The following RGS3 variants were observed in gnomAD, a reference collection of about 807,000 sequenced individuals.
RGS3 encodes the protein regulator of G protein signaling 3.
A neutral mutation model predicts 132.6 loss-of-function variants in RGS3; 80 were observed. The ratio of observed to expected loss-of-function variants is 0.60; its 90% confidence interval spans 0.50 to 0.73. The LOEUF (loss-of-function observed/expected upper bound fraction) is 0.73. Among genes scored for constraint, RGS3 ranks in the 30% least tolerant of loss-of-function variants. RGS3 has a pLI of 0.00. For missense variants in RGS3, 1,382 were observed against 1,530.8 expected (o/e 0.90, Z 1.62); for synonymous variants, 598 against 620.6 (o/e 0.96, Z 0.54).
chr9:113,584,184 G>A lies in RGS3; in HGVS notation c.2772G>A (p.Gly924=), dbSNP rs754493984. 5 of 1,614,108 alleles carry A rather than the reference G, an allele frequency of 3.1e-6. No homozygotes were observed. The African/African-American group carries it at 6.7e-5, about 22-fold the overall frequency. ...GCAGCATGATCGAGACGGGCCAGGG[G>A]GCTGAGGGTGGCCTCTCACTGCGTG... Residue 924 remains glycine (G), a synonymous_variant, in exon 20 of 25, where the codon GGG becomes GGA. Transcript: ENST00000350696.
intron 18 of RGS3, 63 bp from the exon 17 acceptor site, chr9:113,536,733 T>C: frequency 6.3e-7 from 1 of 1,583,306 alleles, no homozygotes; most frequent in South Asian, 1.1e-5. Flanking sequence ...GGCTTGGGCC[T>C]GGGAGCCCCC....
chr9:113,458,241 A>G (rs1163866663), upstream of RGS3, among the ~76,000 whole-genome samples: 1 of 150,858 alleles, frequency 6.6e-6, no homozygotes, highest in African/African-American at 2.4e-5. Flanking sequence ...AGTTAAAAAC[A>G]TTTTACATTT....
intron 7 of RGS3, among the ~76,000 whole-genome samples, chr9:113,493,911 C>G (rs1310437198): frequency 6.6e-6 from 1 of 152,142 alleles, no homozygotes. Flanking sequence ...AGGGAGTTTA[C>G]TACCTATCCA....
chr9:113,574,101 A>T (rs1192322667), intron 19 of RGS3, among the ~76,000 whole-genome samples: 2 of 152,278 alleles, frequency 1.3e-5, no homozygotes, highest in African/African-American at 4.8e-5. Context: ...AGTGTGTGGC[A>T]TGCAGTAGAT....
exon 23 of RGS3, chr9:113,594,942 A>C: frequency 6.2e-7 from 1 of 1,614,082 alleles, no homozygotes; most frequent in East Asian, 2.2e-5. Flanking sequence ...GAAGCCCTCA[A>C]GTGGGGCGAG....
chr9:113,544,028 C>T (rs1833005781), intron 19 of RGS3, among the ~76,000 whole-genome samples: 1 of 152,174 alleles, frequency 6.6e-6, no homozygotes, highest in Non-Finnish European at 1.5e-5. Flanking sequence ...CCTAGCTGTC[C>T]AGGATGATGA....
chr9:113,454,735 G>T (rs1326781343), intron 1 of RGS3, among the ~76,000 whole-genome samples: 1 of 144,102 alleles, frequency 6.9e-6, no homozygotes, highest in African/African-American at 2.6e-5. Flanking sequence ...TTAATCTAGG[G>T]TTGATTATTC....
At chr9:113,456,682 A>G (rs574047174), upstream of RGS3, among the ~76,000 whole-genome samples, 15 of 152,094 alleles carry the variant, frequency 9.9e-5, no homozygotes, top group African/African-American at 2.9e-4. Context: ...AGCCAGAGCA[A>G]TCTTTCTAAA....
intron 3 of RGS3, among the ~76,000 whole-genome samples, chr9:113,470,147 G>C (rs1254236505): frequency 6.9e-6 from 1 of 144,450 alleles, no homozygotes; most frequent in Admixed American, 7.1e-5. Flanking sequence ...CTGACCTCAG[G>C]TGATCCACCT....
chr9:113,485,029 G>A (rs565903744), intron 6 of RGS3, among the ~76,000 whole-genome samples: 5 of 151,782 alleles, frequency 3.3e-5, no homozygotes, highest in African/African-American at 9.7e-5. Flanking sequence ...GTATGTTTGC[G>A]TGTGGGTGTG....
intron 1 of RGS3, among the ~76,000 whole-genome samples, chr9:113,451,298 T>C (rs1829239206): frequency 6.6e-6 from 1 of 152,082 alleles, no homozygotes; most frequent in Non-Finnish European, 1.5e-5. Flanking sequence ...CTAACTTAGA[T>C]ATGTCCTCTA....
intron 1 of RGS3, among the ~76,000 whole-genome samples, chr9:113,446,982 C>T (rs1829114448): frequency 6.6e-6 from 1 of 151,640 alleles, no homozygotes; most frequent in African/African-American, 2.4e-5. Flanking sequence ...CAGGGAGGGG[C>T]CGGATGCGGT....
rs1831129656 is a variant in RGS3 at position 113,506,308 on chromosome 9, A to G, written c.980-80A>G. 2.4e-6 allele frequency: 2 copies of G among 843,214 alleles called. No homozygotes were observed. The highest frequency in any genetic ancestry group is 3.9e-6 in the Non-Finnish European group (2 of 516,954). 52.2% of individuals were successfully genotyped at this position (843,214 alleles called of 1,614,324 possible). A position where few individuals can be genotyped will look rare whatever the true frequency, so the allele number is the denominator to read the frequency against. On this transcript the variant is annotated intron_variant, in intron 11 of 24. Transcript: ENST00000350696. This position sits in a 1 kb window ranked among gnomAD's most constrained non-coding sequence, Gnocchi z 4.7. The stretch of plus-strand genomic sequence containing the variant: ...AGGGAGGTCCTTGTCTGAGGTCACC[A>G]TGGCAGCAAAGGACTCCAGATCCTT...
chr9:113,501,302 C>T (rs62577771), intron 10 of RGS3: 105 of 821,746 alleles, frequency 1.3e-4, no homozygotes, highest in African/African-American at 1.2e-3. Context: ...CTCTCCCCGC[C>T]GGGCCCGGGG....
chr9:113,510,430 G>A (rs558435911), intron 14 of RGS3, among the ~76,000 whole-genome samples: 2 of 152,228 alleles, frequency 1.3e-5, no homozygotes, highest in East Asian at 3.8e-4. Flanking sequence ...CAGGACCCAG[G>A]GCCTGGCGGA....
intron 3 of RGS3, among the ~76,000 whole-genome samples, chr9:113,466,366 G>A (rs1295244972): frequency 1.3e-5 from 2 of 152,230 alleles, no homozygotes; most frequent in Non-Finnish European, 2.9e-5. Context: ...TGTAAAGGGA[G>A]CATAATCATC....
At chr9:113,490,590 C>T (rs1388843259) in intron 7 of RGS3, among the ~76,000 whole-genome samples, 1 of 146,484 alleles carries the variant, frequency 6.8e-6, no homozygotes, top group East Asian at 2.0e-4. Flanking sequence ...ATGTTATGTA[C>T]TAAGGTAAAA....
chr9:113,463,886 GT>G lies in RGS3; in HGVS notation c.415+1686del. 6.2e-7 allele frequency: 1 copy of G among 1,612,802 alleles called. No homozygotes were observed. Among genetic ancestry groups the G allele is most frequent in the Non-Finnish European group, 8.5e-7 (1 of 1,179,656 alleles). On this transcript the variant is annotated intron_variant, in intron 3 of 24. Coordinates refer to ENST00000350696, the Ensembl canonical transcript of RGS3. The surrounding 1 kb of genome is among the most constrained non-coding windows in gnomAD (Gnocchi z 4.6). ...CCTTCTACCTCACCACCTTTGGTAA[GT>G]GCCCGCTGGGGCTGGCGGCAGGGGC...
At chr9:113,517,078 C>T (rs528900815) in intron 15 of RGS3, among the ~76,000 whole-genome samples, 20 of 152,284 alleles carry the variant, frequency 1.3e-4, no homozygotes, top group African/African-American at 4.8e-4. Context: ...GCTATGAGTG[C>T]AGAGCAGGGA....
Sources: gnomAD v4.1 joint callset for allele counts (sites outside exome capture counted in the v4.1 genomes callset) on GRCh38, gnomAD v4.1.1 for gene constraint, Gnocchi (gnomAD v3.1) non-coding constraint, MANE v1.5 for transcripts, NCBI Gene and HGNC (gene_info 2026-07-23, HGNC 2026-07-21) for gene names.